The following CCSER1 variants were observed in gnomAD, a reference collection of about 807,000 sequenced individuals.
CCSER1 encodes serine-rich coiled-coil domain-containing protein 1.
A neutral mutation model predicts 82.0 loss-of-function variants in CCSER1; 41 were observed. The ratio of observed to expected loss-of-function variants is 0.50; its 90% CI spans 0.39 to 0.65. CCSER1 has a LOEUF of 0.65. Among genes scored for constraint, CCSER1 ranks in the 30% least tolerant of loss-of-function variants. The pLI is 0.00. For missense variants in CCSER1, 1,119 were observed against 1,064.2 expected (o/e 1.05, Z -0.72); for synonymous variants, 414 against 383.9 (o/e 1.08, Z -0.92).
At chr4:91,228,224 C>A (rs1401603343) in intron 10 of CCSER1, among the ~76,000 whole-genome samples, 2 of 152,010 alleles carry the variant, frequency 1.3e-5, no homozygotes, top group Non-Finnish European at 2.9e-5. Context: ...TCTTAAAGTA[C>A]AATTTTGAAT....
At chr4:90,835,182 T>A (rs1421564170) in intron 8 of CCSER1, among the ~76,000 whole-genome samples, 1 of 151,942 alleles carries the variant, frequency 6.6e-6, no homozygotes, top group East Asian at 1.9e-4. Flanking sequence ...ATACAAAAAA[T>A]TAGCCGGGCG....
intron 10 of CCSER1, among the ~76,000 whole-genome samples, chr4:91,342,473 C>G (rs1168402792): frequency 6.6e-6 from 1 of 152,046 alleles, no homozygotes; most frequent in East Asian, 1.9e-4. Context: ...CTCTTTTTAC[C>G]AAAGTGTTAA....
At chr4:91,286,732 A>G (rs1743308150) in intron 10 of CCSER1, among the ~76,000 whole-genome samples, 1 of 151,884 alleles carries the variant, frequency 6.6e-6, no homozygotes, top group Non-Finnish European at 1.5e-5. Context: ...AAATTACAGA[A>G]GCATGTAACT....
chr4:90,230,108 G>A (rs1744147682), intron 1 of CCSER1, among the ~76,000 whole-genome samples: 1 of 152,132 alleles, frequency 6.6e-6, no homozygotes, highest in African/African-American at 2.4e-5. Context: ...ACTCAGCTCT[G>A]CACCAAGCGG....
At chr4:91,040,894 T>C (rs1561493817) in intron 9 of CCSER1, among the ~76,000 whole-genome samples, 1 of 152,130 alleles carries the variant, frequency 6.6e-6, no homozygotes. Flanking sequence ...AAGCTTTATT[T>C]GGAGGGGAAT....
intron 1 of CCSER1, among the ~76,000 whole-genome samples, chr4:90,203,415 C>A (rs1489973850): frequency 6.6e-6 from 1 of 152,084 alleles, no homozygotes; most frequent in Non-Finnish European, 1.5e-5. Context: ...TCTCATTGTT[C>A]AATTCCCACT....
chr4:90,538,741 T>A (rs1000522698), intron 5 of CCSER1, among the ~76,000 whole-genome samples: 2 of 152,096 alleles, frequency 1.3e-5, no homozygotes, highest in Non-Finnish European at 2.9e-5. Flanking sequence ...TTGAAATATT[T>A]ACCTTATGAA....
intron 8 of CCSER1, among the ~76,000 whole-genome samples, chr4:90,846,270 C>T (rs1763226551): frequency 6.6e-6 from 1 of 152,106 alleles, no homozygotes; most frequent in African/African-American, 2.4e-5. Flanking sequence ...TAAATTACTC[C>T]ATCTTAAAGA....
At chr4:90,462,387 G>A (rs1578592879) in intron 4 of CCSER1, among the ~76,000 whole-genome samples, 1 of 152,134 alleles carries the variant, frequency 6.6e-6, no homozygotes, top group Non-Finnish European at 1.5e-5. Context: ...TCTTCAGGAA[G>A]CCTCAACTCT....
Position 90,309,236 on chromosome 4 carries a change from A to T in CCSER1, c.952A>T (p.Ile318Phe), listed in dbSNP as rs368884423. The change falls in exon 2 of 11, where the codon ATT becomes TTT. Residue 318 changes from isoleucine (I) to phenylalanine (F), a missense_variant. Coordinates refer to ENST00000509176, the MANE Select transcript of CCSER1 (RefSeq NM_001145065.2). Reference protein sequence around the residue: ...TELTGTVPCAIMSPGKYRLEG... With the variant: ...TELTGTVPCAFMSPGKYRLEG... ...ACTTACGGGAACTGTTCCCTGTGCA[A>T]TTATGTCTCCTGGGAAATATAGGTT... is the stretch of plus-strand genomic sequence containing the variant. 2 of 1,613,898 alleles carry T rather than the reference A, an allele frequency of 1.2e-6. No individual in the cohort carries two copies.
At chr4:90,807,724 T>G (rs1221049107) in intron 7 of CCSER1, among the ~76,000 whole-genome samples, 1 of 150,960 alleles carries the variant, frequency 6.6e-6, no homozygotes, top group Non-Finnish European at 1.5e-5. Context: ...AAAACACTGA[T>G]GAAAAAAATC....
intron 5 of CCSER1, among the ~76,000 whole-genome samples, chr4:90,599,927 A>C (rs974371767): frequency 6.6e-6 from 1 of 152,202 alleles, no homozygotes; most frequent in Non-Finnish European, 1.5e-5. Context: ...GTCACTAAAC[A>C]CTAATTAGCA....
intron 1 of CCSER1, among the ~76,000 whole-genome samples, chr4:90,303,268 A>C (rs912592892): frequency 6.6e-6 from 1 of 152,206 alleles, no homozygotes; most frequent in Non-Finnish European, 1.5e-5. Flanking sequence ...AATTGCTGCC[A>C]ATGACTTTCT....
At chr4:91,286,860 A>G (rs1374978763) in intron 10 of CCSER1, among the ~76,000 whole-genome samples, 5 of 151,900 alleles carry the variant, frequency 3.3e-5, no homozygotes, top group Admixed American at 3.3e-4. Context: ...TGTAGGTCAC[A>G]TGCTTTCATA....
chr4:91,461,352 C>T (rs1349615809), intron 10 of CCSER1, among the ~76,000 whole-genome samples: 1 of 152,076 alleles, frequency 6.6e-6, no homozygotes, highest in East Asian at 1.9e-4. Context: ...TTCCATTTTA[C>T]ACGTGAGAAA....
intron 10 of CCSER1, among the ~76,000 whole-genome samples, chr4:91,340,518 C>CT (rs1433481291): frequency 3.6e-4 from 55 of 151,548 alleles, no homozygotes; most frequent in African/African-American, 1.0e-3. Context: ...GATTTATGGG[C>CT]TTTTTTGTTA....
chr4:91,096,660 G>A (rs1724545739), intron 10 of CCSER1, among the ~76,000 whole-genome samples: 1 of 152,054 alleles, frequency 6.6e-6, no homozygotes, highest in African/African-American at 2.4e-5. Context: ...AGTTTTCCTG[G>A]AGTCATAGTG....
intron 1 of CCSER1, among the ~76,000 whole-genome samples, chr4:90,255,293 C>T (rs1227726790): frequency 6.6e-6 from 1 of 151,880 alleles, no homozygotes; most frequent in Non-Finnish European, 1.5e-5. Flanking sequence ...GAGTGATCTA[C>T]ATGGGAACCA....
intron 10 of CCSER1, among the ~76,000 whole-genome samples, chr4:91,219,531 G>T (rs1737568039): frequency 6.6e-6 from 1 of 151,990 alleles, no homozygotes; most frequent in Non-Finnish European, 1.5e-5. Context: ...TCGAACTCCT[G>T]ACCTCAAGTG....
Sources: allele counts gnomAD v4.1 joint callset (sites outside exome capture counted in the v4.1 genomes callset), GRCh38; gene constraint gnomAD v4.1.1; transcripts MANE v1.5; gene names NCBI Gene and HGNC (gene_info 2026-07-23, HGNC 2026-07-21).